Variants in MAGED1 observed in about 807,000 individuals in gnomAD.
MAGED1 encodes melanoma-associated antigen D1.
In MAGED1, 3 loss-of-function variants were observed where a neutral mutation model predicts 54.1. The observed-to-expected ratio is 0.06, with a 90% CI of 0.03 to 0.14. The LOEUF (loss-of-function observed/expected upper bound fraction) is 0.14. Among genes scored for constraint, MAGED1 ranks in the 10% least tolerant of loss-of-function variants. The pLI is 1.00. For synonymous variants in MAGED1, 217 were observed against 227.3 expected, an observed-to-expected ratio of 0.95 and a Z score of 0.41; for missense variants, 485 against 623.4, an observed-to-expected ratio of 0.78 and a Z score of 2.36.
At chrX:51,894,244 A>G in intron 1 of MAGED1, 25 bp from the exon 2 acceptor site, 4 of 993,229 alleles carry the variant, frequency 4.0e-6, no homozygotes, top group Non-Finnish European at 5.6e-6. Flanking sequence ...CCTCTGTAGT[A>G]TAACGCCCTG....
At chrX:51,813,190 A>G (rs1460797526) in intron 1 of MAGED1, among the ~76,000 whole-genome samples, 1 of 108,305 alleles carries the variant, frequency 9.2e-6, no homozygotes, top group African/African-American at 3.4e-5. Context: ...TGCCTGGCTA[A>G]TTTTGTATTT....
At chrX:51,856,165 A>G (rs1557360170) in intron 1 of MAGED1, among the ~76,000 whole-genome samples, 1 of 112,247 alleles carries the variant, frequency 8.9e-6, no homozygotes, top group Non-Finnish European at 1.9e-5. Context: ...AATCAATTTC[A>G]TATTCTTGGA....
intron 1 of MAGED1, among the ~76,000 whole-genome samples, chrX:51,825,637 A>G (rs782618043): frequency 8.9e-6 from 1 of 111,759 alleles, no homozygotes; most frequent in Non-Finnish European, 1.9e-5. Flanking sequence ...GGGGCATGCA[A>G]CACTTAGCCA....
In MAGED1 at chrX:51,895,165, G is replaced by C. The variant is rs1200957240; in HGVS notation, c.158G>C (p.Ser53Thr). ...NQATAAASPQ[S>T]SQPPTANEMA... is the part of the protein sequence containing the mutation. The stretch of plus-strand genomic sequence containing the variant: ...GCCACCGCAGCTGCTAGTCCCCAGA[G>C]TTCACAGCCCCCAACTGCCAATGAG... The change falls in exon 3 of 13, where the codon AGT (serine) becomes ACT (threonine). Residue 53 changes from serine (S) to threonine (T), a missense_variant. This residue lies in a region of MAGED1 where 299 missense variants were observed against 293.1 expected (regional missense o/e 1.02). Transcript: ENST00000326587. 4 of 1,210,324 alleles carry C rather than the reference G, an allele frequency of 3.3e-6. No individual in the cohort carries two copies. The highest frequency in any genetic ancestry group is 4.5e-6 in the Non-Finnish European group (4 of 895,243).
chrX:51,887,709 T>A (rs5991707), intron 1 of MAGED1, among the ~76,000 whole-genome samples: 29,611 of 106,053 alleles, frequency 0.28, 3,246 homozygotes, highest in Non-Finnish European at 0.32. Flanking sequence ...TAAAACTTAA[T>A]CTCAAATGGA....
At chrX:51,840,086 G>C (rs1326759513) in intron 1 of MAGED1, among the ~76,000 whole-genome samples, 1 of 111,811 alleles carries the variant, frequency 8.9e-6, no homozygotes, top group South Asian at 3.7e-4. Context: ...TAACAGATTG[G>C]GTGAGGAATC....
At chrX:51,838,347 AATAGCCATTT>A (rs1557358126) in intron 1 of MAGED1, among the ~76,000 whole-genome samples, 1 of 112,754 alleles carries the variant, frequency 8.9e-6, no homozygotes, top group Admixed American at 9.4e-5. Flanking sequence ...CAAGCCATTC[AATAGCCATTT>A]GTGAAGCTGA....
intron 1 of MAGED1, among the ~76,000 whole-genome samples, chrX:51,860,693 G>A (rs782100231): frequency 9.0e-5 from 10 of 110,797 alleles, no homozygotes; most frequent in African/African-American, 3.3e-4. Context: ...ATACAGAAGT[G>A]GTGGTTTTAA....
At chrX:51,870,080 T>C (rs1557361405) in intron 1 of MAGED1, among the ~76,000 whole-genome samples, 1 of 111,374 alleles carries the variant, frequency 9.0e-6, no homozygotes, top group African/African-American at 3.3e-5. Flanking sequence ...ATTCAAAATA[T>C]GGTTCTTGGA....
chrX:51,876,508 A>G (rs1927871042), intron 1 of MAGED1, among the ~76,000 whole-genome samples: 1 of 111,366 alleles, frequency 9.0e-6, no homozygotes, highest in Admixed American at 9.5e-5. Context: ...CCCTCCTCAC[A>G]TGGCTTTGGT....
In MAGED1 at chrX:51,894,268, G is replaced by A. The variant is rs1928589387; in HGVS notation, c.-36-1G>A. On this transcript the variant is annotated splice_acceptor_variant, in intron 1 of 12. Coordinates refer to ENST00000326587, the MANE Select transcript of MAGED1 (RefSeq NM_006986.4). LOFTEE classifies it low-confidence loss of function (5UTR_SPLICE). ...TATAACGCCCTGCCCCTCTCCCACA[G>A]CCCCCAGGCTCCGCTCTTGCCAGAG... The A allele has an allele frequency of 2.6e-6, 3 of 1,157,507 alleles. No homozygotes were observed. The African/African-American group carries it at 5.4e-5, about 21-fold the overall frequency.
chrX:51,858,538 T>C (rs1214256481), intron 1 of MAGED1, among the ~76,000 whole-genome samples: 2 of 111,997 alleles, frequency 1.8e-5, no homozygotes, highest in Non-Finnish European at 3.8e-5. Flanking sequence ...ATAACAAAAT[T>C]CTGTTCTCAA....
chrX:51,824,495 G>C (rs781858799), intron 1 of MAGED1, among the ~76,000 whole-genome samples: 1 of 110,135 alleles, frequency 9.1e-6, no homozygotes, highest in South Asian at 3.8e-4. Context: ...GTGCCTATGT[G>C]TATATACTTC....
At chrX:51,867,985 A>G (rs150615261) in intron 1 of MAGED1, among the ~76,000 whole-genome samples, 1 of 112,626 alleles carries the variant, frequency 8.9e-6, no homozygotes, top group African/African-American at 3.2e-5. Context: ...TGTAGTACAA[A>G]TAGCTCAATT....
At chrX:51,889,354 A>G (rs1557363093), upstream of MAGED1, among the ~76,000 whole-genome samples, 1 of 110,963 alleles carries the variant, frequency 9.0e-6, no homozygotes, top group African/African-American at 3.3e-5. Context: ...AGGGCCGGGC[A>G]TGGTGGCTCA....
At chrX:51,806,078 A>C (rs1303287974) in intron 1 of MAGED1, among the ~76,000 whole-genome samples, 1 of 95,625 alleles carries the variant, frequency 1.0e-5, no homozygotes, top group African/African-American at 4.0e-5. Context: ...GGTTCCAACG[A>C]CTCTCCTGCC....
chrX:51,852,724 G>A (rs1179921457), intron 1 of MAGED1, among the ~76,000 whole-genome samples: 2 of 111,515 alleles, frequency 1.8e-5, no homozygotes, highest in Non-Finnish European at 3.8e-5. Context: ...TGGTTTCCAC[G>A]CCTCCACAGC....
In MAGED1 at chrX:51,896,906, A is replaced by C. The variant is rs370215151; in HGVS notation, c.1251A>C (p.Pro417=). The C allele has an allele frequency of 4.1e-6, 5 of 1,205,604 alleles. No individual in the cohort carries two copies. The African/African-American group carries it at 5.3e-5, about 13-fold the overall frequency. ...PPDWPLPPDW[P]LPTDWPLPPD... is the part of the protein sequence containing the mutation. The stretch of plus-strand genomic sequence containing the variant: ...ACTGGCCACTGCCACCTGATTGGCC[A>C]CTTCCCACTGACTGGCCACTACCAC... The change falls in exon 4 of 13, where the codon CCA becomes CCC. Residue 417 remains proline (P), a synonymous_variant. Transcript: ENST00000326587.
Position 51,902,146 on chromosome X carries a change from A to G in MAGED1, c.*9A>G. The G allele has an allele frequency of 2.9e-6, 1 of 345,860 alleles. No individual in the cohort carries two copies. Among genetic ancestry groups the G allele is most frequent in the Non-Finnish European group, 4.9e-6 (1 of 204,679 alleles). 28.5% of individuals were successfully genotyped at this position (345,860 alleles called of 1,213,427 possible). ...TACTTCTTCTTTCTTATGTTCACAG[A>G]TATTGCTATCAATCGCAGTAGTCTT... On this transcript the variant is annotated splice_region_variant and 3_prime_UTR_variant, in exon 13 of 13. Transcript: ENST00000326587.
Sources: gnomAD v4.1 joint callset for allele counts (sites outside exome capture counted in the v4.1 genomes callset) on GRCh38, gnomAD v4.1.1 for gene constraint, gnomAD v4.1.1 regional missense constraint, MANE v1.5 for transcripts, NCBI Gene and HGNC (gene_info 2026-07-23, HGNC 2026-07-21) for gene names.